WDFY3: variants seen among roughly 807,000 people sequenced by gnomAD.
WDFY3 encodes the protein WD repeat and FYVE domain-containing protein 3.
In WDFY3, 66 loss-of-function variants were observed where a neutral mutation model predicts 409.6. The observed-to-expected ratio is 0.16, with a 90% CI of 0.13 to 0.20. The LOEUF is 0.20. WDFY3 is among the 10% of genes least tolerant of loss of function. The probability of loss-of-function intolerance (pLI) is 1.00; values close to 1 mark genes in which losing one functional copy is unlikely to be tolerated. For missense variants in WDFY3, 3,031 were observed against 4,298.1 expected (o/e 0.71, Z 8.24); for synonymous variants, 1,521 against 1,537.1 (o/e 0.99, Z 0.25).
At chr4:84,959,700 T>C (rs1054833030) in intron 1 of WDFY3, among the ~76,000 whole-genome samples, 3 of 152,198 alleles carry the variant, frequency 2.0e-5, no homozygotes, top group African/African-American at 7.2e-5. Flanking sequence ...ATTTGGGCCA[T>C]GCTGAGGTTG....
In WDFY3 at chr4:84,690,592, C is replaced by T. The variant is rs1729095648; in HGVS notation, c.9277G>A (p.Val3093Ile). ...LCAICPNPKL[V>I]ITGGTSTVVC... ...ACCGTGCTTGTTCCACCCGTGATGA[C>T]CAGCTTGGGGTTGGGGCAGATTGCA... is the stretch of plus-strand genomic sequence containing the variant. Residue 3093 changes from valine (V) to isoleucine (I), a missense_variant, in exon 61 of 68, where the codon GTC becomes ATC. This residue lies in a region of WDFY3 where 152 missense variants were observed against 193.5 expected (regional missense o/e 0.79). Coordinates refer to ENST00000295888, the MANE Select transcript of WDFY3 (RefSeq NM_014991.6). 6.2e-7 allele frequency: 1 copy of T among 1,614,020 alleles called. No homozygotes were observed. Among genetic ancestry groups the T allele is most frequent in the African/African-American group, 1.3e-5 (1 of 74,888 alleles).
chr4:84,963,545 C>T (rs185503937), intron 1 of WDFY3, among the ~76,000 whole-genome samples: 234 of 152,026 alleles, frequency 1.5e-3, no homozygotes, highest in African/African-American at 5.3e-3. Context: ...GACCCTAGTT[C>T]GGGTGTGATT....
At chr4:84,871,615 A>G (rs932860937) in intron 3 of WDFY3, among the ~76,000 whole-genome samples, 19 of 152,204 alleles carry the variant, frequency 1.2e-4, no homozygotes, top group African/African-American at 4.6e-4. Flanking sequence ...TGAAGGTAAT[A>G]TAACATTTTT....
intron 3 of WDFY3, among the ~76,000 whole-genome samples, chr4:84,893,714 C>T (rs959403529): frequency 2.0e-5 from 3 of 152,088 alleles, no homozygotes; most frequent in African/African-American, 7.2e-5. Context: ...AGGCTGGGCA[C>T]GGGGGCTCAC....
chr4:84,819,810 T>C (rs930812430), intron 12 of WDFY3, among the ~76,000 whole-genome samples: 3 of 152,010 alleles, frequency 2.0e-5, no homozygotes, highest in Non-Finnish European at 2.9e-5. Flanking sequence ...TGAGTAAGAG[T>C]GTATCAATAA....
intron 39 of WDFY3, among the ~76,000 whole-genome samples, chr4:84,739,489 T>C (rs1384223736): frequency 1.3e-5 from 2 of 152,214 alleles, no homozygotes; most frequent in Non-Finnish European, 1.5e-5. Flanking sequence ...TGTAGTGAAG[T>C]AGTTGCAGTT....
intron 23 of WDFY3, among the ~76,000 whole-genome samples, chr4:84,786,571 T>C (rs974311553): frequency 1.3e-5 from 2 of 152,214 alleles, no homozygotes; most frequent in African/African-American, 4.8e-5. Flanking sequence ...GCAGAGGAGT[T>C]ATTAATAAAG....
chr4:84,708,568 G>A (rs531083686), intron 53 of WDFY3, among the ~76,000 whole-genome samples: 1 of 148,738 alleles, frequency 6.7e-6, no homozygotes, highest in African/African-American at 2.5e-5. Flanking sequence ...ACAGAGTCTT[G>A]CTTGGTTGGT....
intron 1 of WDFY3, among the ~76,000 whole-genome samples, chr4:84,957,632 T>C (rs1774407781): frequency 6.6e-6 from 1 of 152,214 alleles, no homozygotes. Context: ...CCTAGATGTC[T>C]CAGGGATCCC....
At chr4:84,723,371 A>T (rs1240810202) in intron 46 of WDFY3, among the ~76,000 whole-genome samples, 2 of 152,246 alleles carry the variant, frequency 1.3e-5, no homozygotes, top group Non-Finnish European at 2.9e-5. Flanking sequence ...CAGTTTTTAA[A>T]ACAATCTGAA....
At chr4:84,833,586 C>G (rs570976912) in intron 7 of WDFY3, among the ~76,000 whole-genome samples, 1 of 151,648 alleles carries the variant, frequency 6.6e-6, no homozygotes, top group Admixed American at 6.6e-5. Flanking sequence ...CCCGGGAGGT[C>G]GAGGCTGCAG....
At chr4:84,842,481 A>C (rs1333965110) in intron 5 of WDFY3, among the ~76,000 whole-genome samples, 1 of 151,694 alleles carries the variant, frequency 6.6e-6, no homozygotes, top group Admixed American at 6.6e-5. Flanking sequence ...TGTCTCAAAA[A>C]AAAAAAAAGA....
intron 3 of WDFY3, among the ~76,000 whole-genome samples, chr4:84,878,170 C>T (rs1044334131): frequency 1.3e-5 from 2 of 152,068 alleles, no homozygotes; most frequent in Non-Finnish European, 2.9e-5. Context: ...AAAAAAATTA[C>T]TAACAGAGAG....
intron 56 of WDFY3, among the ~76,000 whole-genome samples, chr4:84,700,974 T>C (rs959929134): frequency 6.6e-6 from 1 of 152,074 alleles, no homozygotes; most frequent in Non-Finnish European, 1.5e-5. Context: ...ATTAGCCAGG[T>C]GTGGTGGCGC....
chr4:84,946,725 G>A (rs576844941), intron 1 of WDFY3, among the ~76,000 whole-genome samples: 48 of 152,174 alleles, frequency 3.2e-4, no homozygotes, highest in Non-Finnish European at 5.6e-4. Flanking sequence ...TATTCCTAGC[G>A]CGCTATACAT....
chr4:84,862,321 C>G (rs879922732), intron 3 of WDFY3, among the ~76,000 whole-genome samples: 5 of 152,208 alleles, frequency 3.3e-5, no homozygotes, highest in Non-Finnish European at 5.9e-5. Context: ...AGCACACTCT[C>G]AAGTGCCCAA....
chr4:84,800,484 C>T (rs996398753), intron 17 of WDFY3, among the ~76,000 whole-genome samples: 2 of 152,140 alleles, frequency 1.3e-5, no homozygotes, highest in African/African-American at 4.8e-5. Flanking sequence ...TCTGATACAT[C>T]CATACTGTGG....
intron 11 of WDFY3, among the ~76,000 whole-genome samples, chr4:84,820,409 T>A (rs894311840): frequency 6.6e-6 from 1 of 152,064 alleles, no homozygotes; most frequent in Non-Finnish European, 1.5e-5. Context: ...CAAGTGGCCG[T>A]TATCCAATAA....
chr4:84,860,313 A>C, intron 4 of WDFY3, 99 bp downstream of exon 4: 1 of 1,347,422 alleles, frequency 7.4e-7, no homozygotes, highest in Non-Finnish European at 1.0e-6. Context: ...AAACTAACTC[A>C]GCCTATCATT....
Sources: allele counts gnomAD v4.1 joint callset (sites outside exome capture counted in the v4.1 genomes callset), GRCh38; gene constraint gnomAD v4.1.1; regional missense constraint gnomAD v4.1.1; transcripts MANE v1.5; gene names NCBI Gene and HGNC (gene_info 2026-07-23, HGNC 2026-07-21).